NRG3: variants seen among roughly 807,000 people sequenced by gnomAD.
NRG3 encodes pro-neuregulin-3, membrane-bound isoform.
NRG3 carries 31 observed loss-of-function variants against 66.9 expected under a neutral mutation model. The observed-to-expected ratio is 0.46, with a 90% CI of 0.35 to 0.63. NRG3 has a LOEUF of 0.63. Ranked by LOEUF, NRG3 falls within the 20% of genes least tolerant of loss-of-function variation. NRG3 has a pLI of 0.00. For missense variants in NRG3, 910 were observed against 878.9 expected (o/e 1.04, Z -0.45); for synonymous variants, 393 against 359.4 (o/e 1.09, Z -1.06).
At chr10:82,718,617 T>G (rs543595661) in intron 2 of NRG3, among the ~76,000 whole-genome samples, 1 of 152,262 alleles carries the variant, frequency 6.6e-6, no homozygotes, top group Non-Finnish European at 1.5e-5. Flanking sequence ...TTTCCATATT[T>G]AAAATAACAA....
At chr10:82,410,343 C>A (rs1175892457) in intron 2 of NRG3, among the ~76,000 whole-genome samples, 1 of 151,258 alleles carries the variant, frequency 6.6e-6, no homozygotes, top group Admixed American at 6.6e-5. Flanking sequence ...ATAATGAAGA[C>A]CTCAAAAATA....
intron 1 of NRG3, among the ~76,000 whole-genome samples, chr10:82,231,489 A>C (rs956566969): frequency 1.6e-5 from 2 of 122,578 alleles, no homozygotes; most frequent in Non-Finnish European, 3.7e-5. Context: ...GAAAAAAAAA[A>C]CCTAGTATTA....
In NRG3 at chr10:81,901,334, A is replaced by G. The variant is rs1405009080; in HGVS notation, c.823+25171A>G. Among the ~76,000 whole-genome samples, 5 of 152,212 alleles carry G rather than the reference A, an allele frequency of 3.3e-5. No homozygotes were observed. The South Asian group carries it at 6.2e-4, about 19-fold the overall frequency. ...AGTGAACAAGGGTTATGTGGTCAAC[A>G]TGTGTGATTTCTTATAGGGAATTTT... On this transcript the variant is annotated intron_variant, in intron 1 of 8. Coordinates refer to ENST00000372141, the MANE Select transcript of NRG3 (RefSeq NM_001010848.4).
chr10:82,209,659 G>T (rs2133608680), intron 1 of NRG3, among the ~76,000 whole-genome samples: 1 of 152,264 alleles, frequency 6.6e-6, no homozygotes, highest in Non-Finnish European at 1.5e-5. Flanking sequence ...CTTTCACAGT[G>T]TAAATATTAT....
intron 4 of NRG3, among the ~76,000 whole-genome samples, chr10:82,925,398 A>C (rs1203300136): frequency 1.3e-5 from 2 of 152,364 alleles, no homozygotes; most frequent in East Asian, 3.9e-4. Flanking sequence ...TCTCAAGTGC[A>C]ACTGGGGTTA....
At chr10:82,521,583 G>A (rs911216093) in intron 2 of NRG3, among the ~76,000 whole-genome samples, 5 of 151,992 alleles carry the variant, frequency 3.3e-5, no homozygotes, top group East Asian at 3.9e-4. Flanking sequence ...CTCGTGATCC[G>A]CCCGCCTTGG....
chr10:82,332,022 G>T (rs1179971578), intron 1 of NRG3, among the ~76,000 whole-genome samples: 3 of 152,160 alleles, frequency 2.0e-5, no homozygotes, highest in Admixed American at 6.5e-5. Context: ...GCAATTGTTT[G>T]CCCACTGGTT....
At chr10:82,901,381 G>T (rs556030292) in intron 4 of NRG3, among the ~76,000 whole-genome samples, 1 of 151,964 alleles carries the variant, frequency 6.6e-6, no homozygotes, top group Non-Finnish European at 1.5e-5. Context: ...GATCCAAGTC[G>T]CTCCAACCTT....
intron 2 of NRG3, among the ~76,000 whole-genome samples, chr10:82,475,147 A>AT (rs1343199703): frequency 1.3e-5 from 2 of 151,976 alleles, no homozygotes; most frequent in Non-Finnish European, 2.9e-5. Context: ...GAATAGAAAA[A>AT]ATATATATAA....
At chr10:82,011,761 C>G (rs1459977429) in intron 1 of NRG3, among the ~76,000 whole-genome samples, 1 of 152,174 alleles carries the variant, frequency 6.6e-6, no homozygotes, top group Non-Finnish European at 1.5e-5. Flanking sequence ...AAAATGATCT[C>G]CTTTGACTCC....
chr10:82,480,788 C>T (rs1285847264), intron 2 of NRG3, among the ~76,000 whole-genome samples: 1 of 152,188 alleles, frequency 6.6e-6, no homozygotes, highest in Non-Finnish European at 1.5e-5. Context: ...TAGCTGCTTC[C>T]GTGTCATTGG....
intron 1 of NRG3, among the ~76,000 whole-genome samples, chr10:82,160,816 C>A (rs2071533876): frequency 6.6e-6 from 1 of 151,896 alleles, no homozygotes; most frequent in Non-Finnish European, 1.5e-5. Context: ...AGCATGTGAT[C>A]TAAGTACTGG....
intron 1 of NRG3, among the ~76,000 whole-genome samples, chr10:82,101,791 C>T (rs776440800): frequency 1.6e-3 from 245 of 150,940 alleles, no homozygotes; most frequent in Non-Finnish European, 2.7e-3. Context: ...TTGAAAATGT[C>T]TATTACTGTT....
intron 2 of NRG3, among the ~76,000 whole-genome samples, chr10:82,374,397 A>G (rs1589892629): frequency 6.6e-6 from 1 of 152,184 alleles, no homozygotes; most frequent in Non-Finnish European, 1.5e-5. Flanking sequence ...CGATCCTCCA[A>G]TCTTGTCAAA....
intron 1 of NRG3, among the ~76,000 whole-genome samples, chr10:82,341,641 T>G (rs544346976): frequency 6.6e-6 from 1 of 152,172 alleles, no homozygotes; most frequent in African/African-American, 2.4e-5. Context: ...CAAGTACAGA[T>G]TTCTTACATT....
chr10:82,190,055 A>G (rs1288554229), intron 1 of NRG3, among the ~76,000 whole-genome samples: 1 of 152,184 alleles, frequency 6.6e-6, no homozygotes, highest in East Asian at 1.9e-4. Flanking sequence ...CATGCAGTTC[A>G]GAACGGGGTC....
chr10:82,840,394 C>A (rs541286294), intron 3 of NRG3, among the ~76,000 whole-genome samples: 1 of 150,798 alleles, frequency 6.6e-6, no homozygotes, highest in Non-Finnish European at 1.5e-5. Context: ...CACATTATAG[C>A]GTGCATGTTC....
chr10:82,638,504 G>A (rs182120258), intron 2 of NRG3, among the ~76,000 whole-genome samples: 26 of 152,252 alleles, frequency 1.7e-4, no homozygotes, highest in Admixed American at 4.6e-4. Context: ...CCTGGAGGCC[G>A]AAATGAATTG....
intron 1 of NRG3, among the ~76,000 whole-genome samples, chr10:82,075,554 GA>G (rs1237220958): frequency 2.0e-5 from 3 of 152,132 alleles, no homozygotes; most frequent in Admixed American, 6.5e-5. Context: ...CATGTAATAT[GA>G]AAAAACAGAA....
Sources: gnomAD v4.1 joint callset for allele counts (sites outside exome capture counted in the v4.1 genomes callset) on GRCh38, gnomAD v4.1.1 for gene constraint, MANE v1.5 for transcripts, NCBI Gene and HGNC (gene_info 2026-07-23, HGNC 2026-07-21) for gene names.